The following SPECC1 variants were observed in gnomAD, a reference collection of about 807,000 sequenced individuals.
SPECC1 encodes sperm antigen with calponin homology and coiled-coil domains 1, also known as cytospin-B.
Under a neutral mutation model 104.1 loss-of-function variants are expected in SPECC1, and 62 were observed. The ratio of observed to expected loss-of-function variants is 0.60; its 90% confidence interval spans 0.49 to 0.74. The LOEUF (loss-of-function observed/expected upper bound fraction) is 0.74. Among genes scored for constraint, SPECC1 ranks in the 30% least tolerant of loss-of-function variants. The pLI is 0.00. For synonymous variants in SPECC1, 513 were observed against 501.6 expected (o/e 1.02, Z -0.30); for missense variants, 1,306 against 1,310.5 (o/e 1.00, Z 0.05).
chr17:20,052,721 C>G (rs2045821333), intron 1 of SPECC1, among the ~76,000 whole-genome samples: 1 of 152,158 alleles, frequency 6.6e-6, no homozygotes, highest in South Asian at 2.1e-4. Flanking sequence ...AAGGAAGGAG[C>G]ATGGACTCTA....
chr17:20,244,747 T>C (rs761057522), intron 7 of SPECC1, among the ~76,000 whole-genome samples: 2 of 152,166 alleles, frequency 1.3e-5, no homozygotes, highest in African/African-American at 4.8e-5. Context: ...TATTGAAATA[T>C]ACTTCCAGAA....
At chr17:20,179,940 T>G (rs1005158702) in intron 3 of SPECC1, among the ~76,000 whole-genome samples, 28 of 152,336 alleles carry the variant, frequency 1.8e-4, no homozygotes, top group African/African-American at 6.7e-4. Flanking sequence ...CTAAAAATTC[T>G]AGACCATCTC....
At chr17:20,285,303 T>C (rs1257566519) in intron 12 of SPECC1, among the ~76,000 whole-genome samples, 1 of 152,236 alleles carries the variant, frequency 6.6e-6, no homozygotes, top group Non-Finnish European at 1.5e-5. Flanking sequence ...TGGGAAGATA[T>C]TCTTGGATAT....
chr17:20,051,080 CTTTCTTTCTTTCT>C (rs2045736572), intron 1 of SPECC1, among the ~76,000 whole-genome samples: 1 of 61,170 alleles, frequency 1.6e-5, no homozygotes, highest in Admixed American at 1.7e-4. Context: ...TTCTTTCTTT[CTTTCTTTCTTTCT>C]TTCTTTCTTT....
At chr17:20,184,546 G>T (rs1343270063) in intron 3 of SPECC1, among the ~76,000 whole-genome samples, 7 of 152,180 alleles carry the variant, frequency 4.6e-5, no homozygotes, top group Admixed American at 3.9e-4. Context: ...TTTGGAGCCC[G>T]CATTTCCTGA....
intron 1 of SPECC1, among the ~76,000 whole-genome samples, chr17:20,023,445 G>A (rs1209610080): frequency 6.6e-6 from 1 of 152,126 alleles, no homozygotes; most frequent in Non-Finnish European, 1.5e-5. Flanking sequence ...TTAATGTCTG[G>A]GTGGGGAGAC....
chr17:20,164,584 T>G (rs2151146639), intron 3 of SPECC1, among the ~76,000 whole-genome samples: 1 of 152,324 alleles, frequency 6.6e-6, no homozygotes, highest in East Asian at 1.9e-4. Flanking sequence ...GAGCAACTTT[T>G]GCTTTGGTTG....
intron 1 of SPECC1, among the ~76,000 whole-genome samples, chr17:20,076,069 A>G (rs1433781171): frequency 6.6e-6 from 1 of 152,178 alleles, no homozygotes; most frequent in Non-Finnish European, 1.5e-5. Flanking sequence ...ATGAACTATG[A>G]TCTCACTACT....
intron 3 of SPECC1, among the ~76,000 whole-genome samples, chr17:20,200,209 C>T (rs1475945357): frequency 6.6e-6 from 1 of 152,162 alleles, no homozygotes; most frequent in Non-Finnish European, 1.5e-5. Flanking sequence ...TAACATTACT[C>T]ACAGACCAAC....
At chr17:20,215,392 A>G (rs965568184) in intron 4 of SPECC1, among the ~76,000 whole-genome samples, 38 of 152,358 alleles carry the variant, frequency 2.5e-4, no homozygotes, top group African/African-American at 9.1e-4. Flanking sequence ...TATAATAAAC[A>G]GATTAAGTCA....
At chr17:20,131,037 A>AT (rs1488062086) in intron 3 of SPECC1, among the ~76,000 whole-genome samples, 1 of 152,234 alleles carries the variant, frequency 6.6e-6, no homozygotes, top group African/African-American at 2.4e-5. Flanking sequence ...CATTGCTAGT[A>AT]TATTGAAATG....
chr17:20,067,557 G>A (rs755062976), intron 1 of SPECC1, among the ~76,000 whole-genome samples: 7 of 151,654 alleles, frequency 4.6e-5, no homozygotes, highest in Non-Finnish European at 7.4e-5. Flanking sequence ...ATATATTGTC[G>A]TCATTGTTCC....
At chr17:20,051,120 CTTTCT>C (rs2045750277) in intron 1 of SPECC1, among the ~76,000 whole-genome samples, 429 of 128,050 alleles carry the variant, frequency 3.4e-3, no homozygotes, top group African/African-American at 4.1e-3. Context: ...TTCTTTCTTT[CTTTCT>C]TTCTTTCTTT....
chr17:20,139,731 A>G (rs916664053), intron 3 of SPECC1, among the ~76,000 whole-genome samples: 2 of 151,900 alleles, frequency 1.3e-5, no homozygotes, highest in South Asian at 2.1e-4. Flanking sequence ...CTAGGGTGCA[A>G]TTGCGCAATC....
At chr17:20,186,623 G>T (rs557613533) in intron 3 of SPECC1, among the ~76,000 whole-genome samples, 1 of 152,286 alleles carries the variant, frequency 6.6e-6, no homozygotes, top group Non-Finnish European at 1.5e-5. Context: ...AAGTGCAGTG[G>T]TACAATCACA....
intron 1 of SPECC1, among the ~76,000 whole-genome samples, chr17:20,018,766 A>G (rs1336921472): frequency 6.6e-6 from 1 of 152,244 alleles, no homozygotes; most frequent in African/African-American, 2.4e-5. Context: ...CTCCCAGTGC[A>G]GTCACACAGG....
chr17:20,150,835 A>C (rs952816259), intron 3 of SPECC1, among the ~76,000 whole-genome samples: 1 of 152,142 alleles, frequency 6.6e-6, no homozygotes, highest in Non-Finnish European at 1.5e-5. Context: ...TCCTAATTCT[A>C]TATTTCAGAT....
At chr17:20,078,913 T>C (rs2046865056) in intron 1 of SPECC1, among the ~76,000 whole-genome samples, 1 of 152,228 alleles carries the variant, frequency 6.6e-6, no homozygotes, top group Non-Finnish European at 1.5e-5. Context: ...GAATATTTCA[T>C]GAGTCTGAAT....
intron 2 of SPECC1, 27 bp downstream of exon 2, chr17:20,096,825 G>T: frequency 6.3e-7 from 1 of 1,595,978 alleles, no homozygotes; most frequent in African/African-American, 1.3e-5. Flanking sequence ...ACAGGGCCAG[G>T]CAGAGCGCCT....
Sources: allele counts gnomAD v4.1 joint callset (sites outside exome capture counted in the v4.1 genomes callset), GRCh38; gene constraint gnomAD v4.1.1; transcripts MANE v1.5; gene names NCBI Gene and HGNC (gene_info 2026-07-23, HGNC 2026-07-21).